Variants in CSTPP1 observed in about 807,000 individuals in gnomAD.
CSTPP1 encodes the protein UPF0705 protein C11orf49.
chr11:47,116,815 G>A, the CSTPP1 span, among the ~76,000 whole-genome samples: 1 of 151,842 alleles, frequency 6.6e-6, no homozygotes, highest in Non-Finnish European at 1.5e-5. Flanking sequence ...GAGTAGCTGG[G>A]ACTACAGGCG....
At chr11:47,081,286 A>G in the CSTPP1 span, among the ~76,000 whole-genome samples, 4 of 152,192 alleles carry the variant, frequency 2.6e-5, no homozygotes, top group Admixed American at 6.5e-5. Flanking sequence ...TATGTAGACT[A>G]AAATAACCAG....
At chr11:46,993,552 G>A in the CSTPP1 span, among the ~76,000 whole-genome samples, 15 of 150,844 alleles carry the variant, frequency 9.9e-5, no homozygotes, top group African/African-American at 2.9e-4. Flanking sequence ...CCCATTTCTT[G>A]TTTTTGTCAG....
chr11:47,071,290 C>T, the CSTPP1 span, among the ~76,000 whole-genome samples: 1 of 152,162 alleles, frequency 6.6e-6, no homozygotes, highest in African/African-American at 2.4e-5. Context: ...AAGAGAAAGA[C>T]TTTAGAGTCA....
chr11:46,975,226 A>C, the CSTPP1 span, among the ~76,000 whole-genome samples: 26 of 152,012 alleles, frequency 1.7e-4, no homozygotes, highest in African/African-American at 6.3e-4. Flanking sequence ...GCAGTGAGCC[A>C]TGATCACACC....
At chr11:47,162,862 G>C in the CSTPP1 span, among the ~76,000 whole-genome samples, 4 of 152,290 alleles carry the variant, frequency 2.6e-5, no homozygotes, top group East Asian at 7.7e-4. Flanking sequence ...CTGCAGAGCT[G>C]AGGCCAAGAC....
chr11:47,133,322 G>A, the CSTPP1 span, among the ~76,000 whole-genome samples: 2 of 152,218 alleles, frequency 1.3e-5, no homozygotes, highest in African/African-American at 2.4e-5. Context: ...TGTGGAGAGT[G>A]TTCTGATTTT....
the CSTPP1 span, among the ~76,000 whole-genome samples, chr11:47,069,638 A>G: frequency 6.6e-6 from 1 of 152,182 alleles, no homozygotes; most frequent in East Asian, 1.9e-4. Context: ...TGAAGGACAT[A>G]ATAAGCAGAT....
chr11:47,106,284 ATTG>A, the CSTPP1 span, among the ~76,000 whole-genome samples: 10 of 152,342 alleles, frequency 6.6e-5, no homozygotes, highest in South Asian at 2.1e-4. Flanking sequence ...AACCGATCAA[ATTG>A]TTGTTATCAC....
chr11:47,039,005 C>T, the CSTPP1 span, among the ~76,000 whole-genome samples: 1 of 123,172 alleles, frequency 8.1e-6, no homozygotes, highest in African/African-American at 2.5e-5. Flanking sequence ...AGAGGCGCTC[C>T]TCACTTCCTA....
At chr11:46,975,269 C>T in the CSTPP1 span, among the ~76,000 whole-genome samples, 3 of 152,020 alleles carry the variant, frequency 2.0e-5, no homozygotes, top group African/African-American at 4.8e-5. Flanking sequence ...AGAGCATGAC[C>T]CTCTCTCAAA....
At chr11:47,117,719 G>A in the CSTPP1 span, among the ~76,000 whole-genome samples, 1 of 152,114 alleles carries the variant, frequency 6.6e-6, no homozygotes, top group Non-Finnish European at 1.5e-5. Context: ...ACATCCTGCA[G>A]AGTGTTTTCC....
chr11:47,108,704 C>CT, the CSTPP1 span, among the ~76,000 whole-genome samples: 104,838 of 118,330 alleles, frequency 0.89, 47,795 homozygotes, highest in South Asian at 0.98. Flanking sequence ...GTACTATCTA[C>CT]TTTTTTTTTT....
At chr11:47,084,160 A>C in the CSTPP1 span, among the ~76,000 whole-genome samples, 1 of 152,174 alleles carries the variant, frequency 6.6e-6, no homozygotes, top group South Asian at 2.1e-4. Context: ...CTGATGACTA[A>C]TGATGTTGAA....
chr11:47,053,041 A>G, the CSTPP1 span: 91 of 153,600 alleles, frequency 5.9e-4, no homozygotes, highest in African/African-American at 2.1e-3. Flanking sequence ...TGGGGGTGGG[A>G]TGGGGATACT....
chr11:47,112,675 G>A, the CSTPP1 span, among the ~76,000 whole-genome samples: 4 of 151,990 alleles, frequency 2.6e-5, no homozygotes, highest in Non-Finnish European at 5.9e-5. Context: ...TGCAAGATAA[G>A]CTCCATGAAG....
chr11:47,115,772 T>G, the CSTPP1 span, among the ~76,000 whole-genome samples: 1 of 151,956 alleles, frequency 6.6e-6, no homozygotes, highest in Admixed American at 6.6e-5. Context: ...AACCAGCTCC[T>G]GGATTCATTG....
chr11:47,124,114 C>CTTTTTTTTTTTT, the CSTPP1 span, among the ~76,000 whole-genome samples: 7 of 63,232 alleles, frequency 1.1e-4, 2 homozygotes, highest in East Asian at 1.3e-3. Flanking sequence ...AATGGTCTTA[C>CTTTTTTTTTTTT]TTTTTTTTTT....
the CSTPP1 span, among the ~76,000 whole-genome samples, chr11:47,131,075 C>T: frequency 6.6e-6 from 1 of 152,192 alleles, no homozygotes; most frequent in Non-Finnish European, 1.5e-5. Context: ...GGCACTCACA[C>T]AAATGAATTT....
At chr11:47,012,287 A>C in the CSTPP1 span, among the ~76,000 whole-genome samples, 2 of 152,146 alleles carry the variant, frequency 1.3e-5, no homozygotes, top group Admixed American at 1.3e-4. Flanking sequence ...GGGCTTTGGG[A>C]TACTGAATGA....
Sources: allele counts gnomAD v4.1 joint callset (sites outside exome capture counted in the v4.1 genomes callset), GRCh38; gene constraint gnomAD v4.1.1; transcripts MANE v1.5; gene names NCBI Gene and HGNC (gene_info 2026-07-23, HGNC 2026-07-21).